ADAM2: variants seen among roughly 807,000 people sequenced by gnomAD.
ADAM2 encodes disintegrin and metalloproteinase domain-containing protein 2.
Under a neutral mutation model 99.3 loss-of-function variants are expected in ADAM2, and 101 were observed. That is an observed-to-expected ratio of 1.02 (90% CI 0.87 to 1.20). ADAM2 has a LOEUF of 1.20. Ranked by LOEUF, ADAM2 falls within the 50% of genes most tolerant of loss-of-function variation. The pLI is 0.00. For synonymous variants in ADAM2, 323 were observed against 287.6 expected, an observed-to-expected ratio of 1.12 and a Z score of -1.25; for missense variants, 948 against 878.7, an observed-to-expected ratio of 1.08 and a Z score of -1.00.
chr8:39,772,201 T>C (rs1802812236), intron 11 of ADAM2, among the ~76,000 whole-genome samples: 1 of 151,978 alleles, frequency 6.6e-6, no homozygotes, highest in African/African-American at 2.4e-5. Flanking sequence ...CATGGAGATT[T>C]GCTGGATGCT....
At chr8:39,766,478 C>T (rs925530544) in intron 14 of ADAM2, among the ~76,000 whole-genome samples, 7 of 147,022 alleles carry the variant, frequency 4.8e-5, no homozygotes, top group Non-Finnish European at 1.0e-4. Flanking sequence ...CTCACTCTTT[C>T]TCCCAGGCTG....
rs140153863 is a variant in ADAM2 at position 39,765,564 on chromosome 8, C to T, written c.1507+1284G>A. 5.3e-5 allele frequency among the ~76,000 whole-genome samples: 8 copies of T among 152,208 alleles called. No individual in the cohort carries two copies. The East Asian group carries it at 1.2e-3, about 22-fold the overall frequency. On this transcript the variant is annotated intron_variant, in intron 14 of 20. Coordinates refer to ENST00000265708, the MANE Select transcript of ADAM2 (RefSeq NM_001464.5). ...AAAGTAGAAAATCGGAATACACCAA[C>T]GATTGAGGAAATTAAATCAGTAATT...
chr8:39,797,281 C>T (rs879225581), intron 7 of ADAM2, among the ~76,000 whole-genome samples: 1 of 152,188 alleles, frequency 6.6e-6, no homozygotes, highest in Non-Finnish European at 1.5e-5. Context: ...AGCCAGTTTT[C>T]CCAGCACCAT....
At chr8:39,837,540 C>T (rs1404839262) in intron 1 of ADAM2, among the ~76,000 whole-genome samples, 1 of 152,080 alleles carries the variant, frequency 6.6e-6, no homozygotes, top group Non-Finnish European at 1.5e-5. Flanking sequence ...GCACGCACTA[C>T]CACCCCCAGC....
chr8:39,809,366 C>T (rs756753430), intron 7 of ADAM2, 44 bp downstream of exon 7: 20 of 777,924 alleles, frequency 2.6e-5, no homozygotes, highest in South Asian at 2.3e-4. Flanking sequence ...TACAATCCCT[C>T]ATTGCAAATA....
At chr8:39,823,397 G>A (rs755173601) in intron 4 of ADAM2, among the ~76,000 whole-genome samples, 2 of 152,110 alleles carry the variant, frequency 1.3e-5, no homozygotes, top group South Asian at 2.1e-4. Context: ...CTAGGATAGA[G>A]GTAGGCCTGC....
In ADAM2 at chr8:39,777,054, T is replaced by G. The variant is rs947369026; in HGVS notation, c.999A>C (p.Gly333=). 1 of 1,593,774 alleles carries G rather than the reference T, an allele frequency of 6.3e-7. No individual in the cohort carries two copies. Among genetic ancestry groups the G allele is most frequent in the Non-Finnish European group, 8.6e-7 (1 of 1,162,146 alleles). ...CTTCTGGATTCATAATGCAGACAGCTCCTGAGCACTGGCATTTGTTAATGT... is the reference window on the plus strand; with the variant it reads ...CTTCTGGATTCATAATGCAGACAGCGCCTGAGCACTGGCATTTGTTAATGT... The part of the protein sequence containing the change: ...YDDINKCQCS[G]AVCIMNPEAI... Residue 333 remains glycine (G), a synonymous_variant, in exon 11 of 21, where the codon GGA becomes GGC. Coordinates refer to ENST00000265708, the MANE Select transcript of ADAM2 (RefSeq NM_001464.5).
At chr8:39,808,005 G>T (rs1022146696) in intron 7 of ADAM2, among the ~76,000 whole-genome samples, 2 of 152,034 alleles carry the variant, frequency 1.3e-5, no homozygotes, top group African/African-American at 4.8e-5. Context: ...TGAATCTATG[G>T]CTTTCCCACA....
chr8:39,826,266 A>T (rs1247845481), intron 3 of ADAM2, among the ~76,000 whole-genome samples: 1 of 152,218 alleles, frequency 6.6e-6, no homozygotes, highest in Non-Finnish European at 1.5e-5. Flanking sequence ...AACAATATAG[A>T]TATAAGAGAA....
At chr8:39,747,357 A>G (rs945126962) in intron 18 of ADAM2, among the ~76,000 whole-genome samples, 3 of 152,196 alleles carry the variant, frequency 2.0e-5, no homozygotes, top group East Asian at 1.9e-4. Flanking sequence ...TCTCTTTGAC[A>G]TAAGCCTTTC....
At chr8:39,820,550 C>G (rs573331020) in intron 6 of ADAM2, among the ~76,000 whole-genome samples, 1 of 152,264 alleles carries the variant, frequency 6.6e-6, no homozygotes, top group Admixed American at 6.5e-5. Context: ...CTCTCTCTCA[C>G]TTTCTGAGGA....
intron 6 of ADAM2, among the ~76,000 whole-genome samples, chr8:39,812,068 A>G (rs1295601580): frequency 6.6e-6 from 1 of 152,232 alleles, no homozygotes; most frequent in African/African-American, 2.4e-5. Flanking sequence ...CTGATAAGCA[A>G]CTTCAGCAAA....
At chr8:39,821,926 C>T (rs1805204253) in intron 4 of ADAM2, among the ~76,000 whole-genome samples, 5 of 152,106 alleles carry the variant, frequency 3.3e-5, no homozygotes, top group Admixed American at 3.3e-4. Context: ...AGGTAAACAT[C>T]ATCAAAACTT....
intron 3 of ADAM2, among the ~76,000 whole-genome samples, chr8:39,827,436 C>G (rs1431700515): frequency 2.0e-5 from 3 of 152,112 alleles, no homozygotes; most frequent in Non-Finnish European, 2.9e-5. Flanking sequence ...CTGTAATAAA[C>G]ATCTCCCAGG....
At chr8:39,798,102 T>A (rs1018070160) in intron 7 of ADAM2, among the ~76,000 whole-genome samples, 6 of 152,250 alleles carry the variant, frequency 3.9e-5, no homozygotes, top group African/African-American at 1.4e-4. Flanking sequence ...AGACAGGGCA[T>A]CCTTGGCTTG....
At chr8:39,800,258 G>T (rs1042011089) in intron 7 of ADAM2, among the ~76,000 whole-genome samples, 1 of 152,064 alleles carries the variant, frequency 6.6e-6, no homozygotes, top group Admixed American at 6.5e-5. Context: ...TGTCTGGAAA[G>T]ACTTTTATTT....
At chr8:39,763,644 G>A (rs956239286) in intron 14 of ADAM2, among the ~76,000 whole-genome samples, 1 of 152,082 alleles carries the variant, frequency 6.6e-6, no homozygotes, top group African/African-American at 2.4e-5. Context: ...CTCCAATAAA[G>A]GGAGTTTCCT....
intron 1 of ADAM2, 33 bp downstream of exon 1, chr8:39,838,098 C>T (rs1473062768): frequency 1.2e-6 from 2 of 1,612,682 alleles, no homozygotes; most frequent in East Asian, 4.5e-5. Flanking sequence ...GCTGAGGGTC[C>T]CAAAAGGCCA....
intron 20 of ADAM2, among the ~76,000 whole-genome samples, chr8:39,744,607 G>A (rs2129582473): frequency 6.6e-6 from 1 of 152,154 alleles, no homozygotes; most frequent in Admixed American, 6.5e-5. Context: ...ACACAGGGAG[G>A]GGAACATCAC....
Sources: gnomAD v4.1 joint callset for allele counts (sites outside exome capture counted in the v4.1 genomes callset) on GRCh38, gnomAD v4.1.1 for gene constraint, MANE v1.5 for transcripts, NCBI Gene and HGNC (gene_info 2026-07-23, HGNC 2026-07-21) for gene names.